The following ANKRD36C variants were observed in gnomAD, a reference collection of about 807,000 sequenced individuals.
The protein encoded by ANKRD36C is ankyrin repeat domain-containing protein 36C.
A neutral mutation model predicts 276.4 loss-of-function variants in ANKRD36C; 61 were observed. The ratio of observed to expected loss-of-function variants is 0.22; its 90% CI spans 0.18 to 0.27. The LOEUF is 0.27. Ranked by LOEUF, ANKRD36C falls within the 10% of genes least tolerant of loss-of-function variation. The pLI is 1.00. For synonymous variants in ANKRD36C, 483 were observed against 680.1 expected, an observed-to-expected ratio of 0.71 and a Z score of 4.51; for missense variants, 1,447 against 2,032.3, an observed-to-expected ratio of 0.71 and a Z score of 5.54.
intron 3 of ANKRD36C, among the ~76,000 whole-genome samples, chr2:95,983,341 T>A (rs1241748748): frequency 2.6e-5 from 4 of 151,650 alleles, no homozygotes; most frequent in African/African-American, 7.2e-5. Flanking sequence ...GAAATGTTAT[T>A]CTCAATTACA....
chr2:95,990,324 C>T (rs1393434749), intron 1 of ANKRD36C, among the ~76,000 whole-genome samples: 1 of 152,202 alleles, frequency 6.6e-6, no homozygotes, highest in Non-Finnish European at 1.5e-5. Flanking sequence ...GGTGCAAAGG[C>T]AATTGCAGTT....
At chr2:95,888,699 C>T (rs937565381) in intron 48 of ANKRD36C, among the ~76,000 whole-genome samples, 1 of 151,606 alleles carries the variant, frequency 6.6e-6, no homozygotes, top group East Asian at 1.9e-4. Context: ...TTCTCACACC[C>T]CTGTGGTGTA....
chr2:95,890,008 A>AG lies in ANKRD36C; in HGVS notation c.2858-15dup. ...TATGAGAAGACACTGAAAAGCAAAA[A>AG]GGATACATAATCACTCATACGTAAA... is the stretch of plus-strand genomic sequence containing the variant. On this transcript the variant is annotated splice_polypyrimidine_tract_variant and intron_variant, in intron 46 of 66. Transcript: ENST00000456556. The AG allele has an allele frequency of 1.2e-6, 2 of 1,607,794 alleles. No homozygotes were observed. Among genetic ancestry groups the AG allele is most frequent in the African/African-American group, 1.3e-5 (1 of 74,692 alleles).
chr2:95,910,295 A>C lies in ANKRD36C; in HGVS notation c.2653+1949T>G, dbSNP rs919125612. 76 of 1,433,700 alleles carry C rather than the reference A, an allele frequency of 5.3e-5. No individual in the cohort carries two copies. The Admixed American group carries it at 6.9e-4, about 13-fold the overall frequency. 88.8% of individuals were successfully genotyped at this position (1,433,700 alleles called of 1,614,324 possible). A position where few individuals can be genotyped will look rare whatever the true frequency, so the allele number is the denominator to read the frequency against. ...TCAGAAAGTGCAGCTTCGACGAGCC[A>C]CCCGCTGCTTTATTTGGAGAAGAGA... On this transcript the variant is annotated intron_variant, in intron 42 of 66. Transcript: ENST00000456556.
intron 42 of ANKRD36C, among the ~76,000 whole-genome samples, chr2:95,911,931 T>C (rs1021955921): frequency 4.0e-5 from 6 of 151,420 alleles, no homozygotes; most frequent in Admixed American, 1.3e-4. Context: ...CCTATCTTTC[T>C]CCTTACACCC....
exon 63 of ANKRD36C, chr2:95,855,406 C>T: frequency 1.9e-6 from 3 of 1,613,510 alleles, no homozygotes; most frequent in Non-Finnish European, 2.5e-6. Flanking sequence ...ACTCTAGCAT[C>T]ACATCTGGCT....
chr2:95,977,940 G>C (rs927449784), intron 6 of ANKRD36C, among the ~76,000 whole-genome samples, 182 bp downstream of exon 6: 2 of 151,832 alleles, frequency 1.3e-5, no homozygotes, highest in African/African-American at 4.8e-5. Context: ...ACAATACTGA[G>C]ATTATAAATT....
intron 42 of ANKRD36C, 133 bp downstream of exon 46, chr2:95,910,240 C>G: frequency 2.7e-6 from 3 of 1,105,516 alleles, no homozygotes; most frequent in Non-Finnish European, 3.8e-6. Flanking sequence ...CAACAACTTA[C>G]TACAAATGAA....
At chr2:95,913,688 G>A (rs910555652) in intron 40 of ANKRD36C, among the ~76,000 whole-genome samples, 1 of 151,278 alleles carries the variant, frequency 6.6e-6, no homozygotes, top group African/African-American at 2.4e-5. Flanking sequence ...GCTACACCAG[G>A]GGTCTCCTTA....
intron 13 of ANKRD36C, 50 bp downstream of exon 13, chr2:95,956,736 C>T (rs1036705439): frequency 6.7e-7 from 1 of 1,485,636 alleles, no homozygotes; most frequent in Admixed American, 2.0e-5. Flanking sequence ...TTTCTATTCT[C>T]TCTATTAACT....
At chr2:95,879,169 C>T (rs535173239) in intron 58 of ANKRD36C, among the ~76,000 whole-genome samples, 9 of 152,178 alleles carry the variant, frequency 5.9e-5, no homozygotes, top group Admixed American at 5.2e-4. Context: ...AACAGGAGGA[C>T]ATTATGTCAA....
At chr2:95,988,869 C>CA (rs1679083035) in intron 1 of ANKRD36C, among the ~76,000 whole-genome samples, 1 of 151,788 alleles carries the variant, frequency 6.6e-6, no homozygotes, top group Non-Finnish European at 1.5e-5. Flanking sequence ...TACCAATAAA[C>CA]AAAAAAATAA....
In ANKRD36C at chr2:95,903,096, G is replaced by T. The variant is rs1188091137; in HGVS notation, c.2654-3760C>A. On this transcript the variant is annotated intron_variant, in intron 42 of 66. Transcript: ENST00000456556. ...CTCTGAAGACACTGAAAAGTAAAAGGGATTCATAATCACTCATATGTAAAA... is the reference window on the plus strand; with the variant it reads ...CTCTGAAGACACTGAAAAGTAAAAGTGATTCATAATCACTCATATGTAAAA... 1.2e-5 allele frequency: 18 copies of T among 1,560,398 alleles called. No homozygotes were observed. In the South Asian group the frequency reaches 1.9e-4, roughly 16 times the overall value.
intron 54 of ANKRD36C, 49 bp downstream of exon 74, chr2:95,884,124 C>A: frequency 1.3e-6 from 2 of 1,557,158 alleles, no homozygotes; most frequent in Non-Finnish European, 1.7e-6. Context: ...AAGAGAAGTT[C>A]TTTTCTATCT....
intron 26 of ANKRD36C, 106 bp from the exon 27 acceptor site, chr2:95,927,515 T>C: frequency 1.3e-6 from 2 of 1,528,886 alleles, no homozygotes; most frequent in Non-Finnish European, 8.8e-7. Flanking sequence ...CCTGTACTAG[T>C]GTAGGCTTTG....
At chr2:95,915,020 A>G (rs1046283749) in intron 38 of ANKRD36C, among the ~76,000 whole-genome samples, 1 of 151,590 alleles carries the variant, frequency 6.6e-6, no homozygotes, top group African/African-American at 2.4e-5. Context: ...CAATTTTGAC[A>G]TATTTCTACA....
chr2:95,855,313 A>T, exon 63 of ANKRD36C: 1 of 1,606,024 alleles, frequency 6.2e-7, no homozygotes, highest in Non-Finnish European at 8.5e-7. Context: ...TTTTCTTTCG[A>T]ATGATTCAAT....
chr2:95,882,080 C>A (rs1311903583), intron 56 of ANKRD36C, among the ~76,000 whole-genome samples: 1 of 144,996 alleles, frequency 6.9e-6, no homozygotes, highest in East Asian at 2.0e-4. Context: ...AACGGTTCTT[C>A]TACACAATTT....
intron 54 of ANKRD36C, among the ~76,000 whole-genome samples, 185 bp from the exon 75 acceptor site, chr2:95,882,682 C>T (rs1375021044): frequency 2.0e-5 from 3 of 152,058 alleles, no homozygotes; most frequent in Non-Finnish European, 4.4e-5. Flanking sequence ...GGAATACACG[C>T]TTCCAGAAAA....
Sources: gnomAD v4.1 joint callset for allele counts (sites outside exome capture counted in the v4.1 genomes callset) on GRCh38, gnomAD v4.1.1 for gene constraint, MANE v1.5 for transcripts, NCBI Gene and HGNC (gene_info 2026-07-23, HGNC 2026-07-21) for gene names.